The following CREB5 variants were observed in gnomAD, a reference collection of about 807,000 sequenced individuals.
CREB5 encodes cyclic AMP-responsive element-binding protein 5.
Under a neutral mutation model 57.1 loss-of-function variants are expected in CREB5, and 19 were observed. The ratio of observed to expected loss-of-function variants is 0.33; its 90% CI spans 0.23 to 0.49. The LOEUF (loss-of-function observed/expected upper bound fraction) is 0.49, where lower values mean the gene tolerates loss of function less well. Ranked by LOEUF, CREB5 falls within the 20% of genes least tolerant of loss-of-function variation. The pLI is 0.99. For synonymous variants in CREB5, 238 were observed against 238.3 expected (o/e 1.00, Z 0.01); for missense variants, 579 against 671.6 (o/e 0.86, Z 1.52).
intron 1 of CREB5, among the ~76,000 whole-genome samples, chr7:28,319,406 T>C (rs112036166): frequency 6.6e-6 from 1 of 152,302 alleles, no homozygotes; most frequent in African/African-American, 2.4e-5. Context: ...AGTTGCAGGG[T>C]AGCTTTATGG....
At chr7:28,629,834 A>C (rs1798137714) in intron 5 of CREB5, among the ~76,000 whole-genome samples, 1 of 152,224 alleles carries the variant, frequency 6.6e-6, no homozygotes, top group African/African-American at 2.4e-5. Context: ...TCCACCCTCA[A>C]AGAAGCTTCA....
chr7:28,679,016 C>T (rs1450724953), intron 5 of CREB5, among the ~76,000 whole-genome samples: 5 of 147,822 alleles, frequency 3.4e-5, no homozygotes, highest in Admixed American at 2.7e-4. Context: ...CTAATACCTT[C>T]AAAACCTCTT....
At chr7:28,416,827 T>C (rs1788046051) in intron 1 of CREB5, among the ~76,000 whole-genome samples, 1 of 152,212 alleles carries the variant, frequency 6.6e-6, no homozygotes, top group African/African-American at 2.4e-5. Context: ...TTCTTTAACA[T>C]CCATTTCAAC....
chr7:28,521,302 C>T (rs1298001183), intron 4 of CREB5, among the ~76,000 whole-genome samples: 1 of 152,178 alleles, frequency 6.6e-6, no homozygotes, highest in Non-Finnish European at 1.5e-5. Context: ...GTCATTTCAG[C>T]CCAGGTGGTT....
At chr7:28,643,102 C>G (rs1007031991) in intron 5 of CREB5, among the ~76,000 whole-genome samples, 2 of 151,844 alleles carry the variant, frequency 1.3e-5, no homozygotes, top group African/African-American at 2.4e-5. Context: ...AATAAATTCT[C>G]AATTGTCGGG....
At chr7:28,670,094 G>T (rs965400973) in intron 5 of CREB5, among the ~76,000 whole-genome samples, 1 of 152,180 alleles carries the variant, frequency 6.6e-6, no homozygotes, top group Non-Finnish European at 1.5e-5. Flanking sequence ...GTCTACAGGG[G>T]ACACTTTTCA....
intron 5 of CREB5, among the ~76,000 whole-genome samples, chr7:28,610,967 G>A (rs915235082): frequency 6.6e-6 from 1 of 150,594 alleles, no homozygotes; most frequent in African/African-American, 2.4e-5. Flanking sequence ...CATGGGCCAA[G>A]GTAGGGGGGT....
chr7:28,672,047 C>T (rs1291948922), intron 5 of CREB5, among the ~76,000 whole-genome samples: 1 of 152,100 alleles, frequency 6.6e-6, no homozygotes, highest in Middle Eastern at 3.4e-3. Context: ...TTTGTTGTTA[C>T]GTATATTTTA....
intron 4 of CREB5, among the ~76,000 whole-genome samples, chr7:28,510,965 TTTTTCATTCAAGAAACA>T (rs1171576218): frequency 1.3e-5 from 2 of 152,266 alleles, no homozygotes; most frequent in East Asian, 3.9e-4. Context: ...TTGTTCATCA[TTTTTCATTCAAGAAACA>T]TTTTCAAGTG....
chr7:28,618,768 T>A (rs1425932449), intron 5 of CREB5, among the ~76,000 whole-genome samples: 2 of 152,202 alleles, frequency 1.3e-5, no homozygotes, highest in Non-Finnish European at 2.9e-5. Context: ...GATTCCTGGA[T>A]AACAAGCTAC....
intron 5 of CREB5, among the ~76,000 whole-genome samples, chr7:28,718,381 A>G (rs1368573424): frequency 6.6e-6 from 1 of 152,238 alleles, no homozygotes; most frequent in Non-Finnish European, 1.5e-5. Context: ...AAATAAATGT[A>G]CATAGATCTC....
intron 1 of CREB5, chr7:28,435,599 C>A: frequency 1.0e-6 from 1 of 982,476 alleles, no homozygotes; most frequent in Non-Finnish European, 1.2e-6. Flanking sequence ...CATTTATTTT[C>A]TTTGCAAAAG....
At chr7:28,508,019 G>A (rs1011858039) in intron 4 of CREB5, among the ~76,000 whole-genome samples, 15 of 152,206 alleles carry the variant, frequency 9.9e-5, no homozygotes, top group Non-Finnish European at 1.3e-4. Flanking sequence ...AGCAGTGAGT[G>A]CAGAAGAATA....
At chr7:28,712,129 T>C (rs1284095248) in intron 5 of CREB5, among the ~76,000 whole-genome samples, 1 of 152,186 alleles carries the variant, frequency 6.6e-6, no homozygotes, top group East Asian at 1.9e-4. Flanking sequence ...TCCTTCACTT[T>C]ACACATCACT....
rs149274617 is a variant in CREB5 at position 28,809,474 on chromosome 7, G to A, written c.1254+60G>A. The A allele has an allele frequency of 1.4e-4, 199 of 1,449,510 alleles. 1 individual carries two copies. In the African/African-American group the frequency reaches 2.3e-3, roughly 17 times the overall value. The allele number at this position is 1,449,510 out of a possible 1,614,324, so 89.8% of individuals were successfully genotyped here. ...GGCCCTCTGCTCCACGGGCATTTCCGGCCCTGACAGGCACTTGTTGACCTA... is the reference window on the plus strand; with the variant it reads ...GGCCCTCTGCTCCACGGGCATTTCCAGCCCTGACAGGCACTTGTTGACCTA... On this transcript the variant is annotated intron_variant, in intron 9 of 10. Transcript: ENST00000357727.
chr7:28,429,114 C>G (rs1788618858), intron 1 of CREB5, among the ~76,000 whole-genome samples: 1 of 152,184 alleles, frequency 6.6e-6, no homozygotes, highest in South Asian at 2.1e-4. Flanking sequence ...CAACCTCCCC[C>G]TCCCTGGTTC....
intron 5 of CREB5, among the ~76,000 whole-genome samples, chr7:28,631,650 C>T (rs563225242): frequency 2.0e-5 from 3 of 152,222 alleles, no homozygotes; most frequent in East Asian, 3.9e-4. Flanking sequence ...CTGCAACCTC[C>T]GCCTCCCAGG....
At chr7:28,311,815 C>T (rs776109963) in intron 1 of CREB5, among the ~76,000 whole-genome samples, 2 of 152,194 alleles carry the variant, frequency 1.3e-5, no homozygotes, top group African/African-American at 4.8e-5. Context: ...AGTTGCTGAC[C>T]AGAACCTTCT....
At chr7:28,356,631 A>G (rs908058190) in intron 1 of CREB5, among the ~76,000 whole-genome samples, 1 of 152,230 alleles carries the variant, frequency 6.6e-6, no homozygotes, top group South Asian at 2.1e-4. Flanking sequence ...AATCACTTGA[A>G]TAAGTTCCTT....
Sources: allele counts gnomAD v4.1 joint callset (sites outside exome capture counted in the v4.1 genomes callset), GRCh38; gene constraint gnomAD v4.1.1; transcripts MANE v1.5; gene names NCBI Gene and HGNC (gene_info 2026-07-23, HGNC 2026-07-21).